Variants in BSDC1 observed in about 807,000 individuals in gnomAD.
BSDC1 encodes BSD domain containing 1, also known as BSD domain-containing protein 1.
In BSDC1, 29 loss-of-function variants were observed where a neutral mutation model predicts 56.0. The observed-to-expected ratio is 0.52, with a 90% CI of 0.39 to 0.71. The LOEUF (loss-of-function observed/expected upper bound fraction) is 0.71. Among genes scored for constraint, BSDC1 ranks in the 30% least tolerant of loss-of-function variants. The pLI is 0.00. For synonymous variants in BSDC1, 210 were observed against 215.3 expected (o/e 0.98, Z 0.21); for missense variants, 477 against 548.5 (o/e 0.87, Z 1.30).
At chr1:32,390,479 G>A (rs1231433235) in intron 2 of BSDC1, among the ~76,000 whole-genome samples, 1 of 152,226 alleles carries the variant, frequency 6.6e-6, no homozygotes, top group Non-Finnish European at 1.5e-5. Context: ...CTGCGTAGAT[G>A]CAGTACTGCC....
At chr1:32,383,454 T>TAAAAAAAAAAA (rs1254003357) in intron 4 of BSDC1, among the ~76,000 whole-genome samples, 12 of 136,400 alleles carry the variant, frequency 8.8e-5, no homozygotes, top group African/African-American at 2.7e-4. Flanking sequence ...CCTGTCTCAT[T>TAAAAAAAAAAA]AAAAAAAAAA....
At position 32,378,768 on chromosome 1, in the gene BSDC1, G is replaced by A. The variant is rs749093242; in HGVS notation, c.484C>T (p.Leu162Phe). 4.5e-6 allele frequency: 7 copies of A among 1,551,588 alleles called. No homozygotes were observed. In the Admixed American group the frequency reaches 7.8e-5, roughly 17 times the overall value. Residue 162 changes from leucine to phenylalanine, a missense_variant, in exon 6 of 11, where the codon CTC becomes TTC. Coordinates refer to ENST00000455895, the MANE Select transcript of BSDC1 (RefSeq NM_018045.8). The surrounding 1 kb of genome is among the most constrained non-coding windows in gnomAD (Gnocchi z 5.2). ...CGGATGGAGGGGCTGCCTACAAGGA[G>A]CTCTGAGATCTCCCCCTTCTTCTCC... ...LEEKKGEISE[L>F]LVGSPSIRAL... is the part of the protein sequence containing the mutation.
intron 2 of BSDC1, chr1:32,393,835 G>T: frequency 3.9e-6 from 2 of 506,888 alleles, no homozygotes. Flanking sequence ...CCTTCCTATG[G>T]ATTCCTACAA....
At chr1:32,388,423 G>T (rs997644479) in intron 2 of BSDC1, among the ~76,000 whole-genome samples, 2 of 152,026 alleles carry the variant, frequency 1.3e-5, no homozygotes, top group Non-Finnish European at 2.9e-5. Flanking sequence ...GTCATTTACC[G>T]ATTCACTCTT....
intron 4 of BSDC1, among the ~76,000 whole-genome samples, chr1:32,382,980 T>TA (rs1332723168): frequency 3.3e-5 from 5 of 152,002 alleles, no homozygotes; most frequent in African/African-American, 1.2e-4. Context: ...CCTATACGTG[T>TA]ATTACTAGAA....
At chr1:32,368,054 C>T (rs1570094590) in intron 10 of BSDC1, 1 of 1,020,040 alleles carries the variant, frequency 9.8e-7, no homozygotes, top group Non-Finnish European at 1.2e-6. Flanking sequence ...TTTTCAAAAA[C>T]AGAAATGGGG....
Position 32,365,286 on chromosome 1 carries a change from A to G in BSDC1, c.*1336T>C, listed in dbSNP as rs904350581. The G allele has an allele frequency of 2.6e-5, 4 of 152,470 alleles. No individual in the cohort carries two copies. Among genetic ancestry groups the G allele is most frequent in the Non-Finnish European group, 5.9e-5 (4 of 68,028 alleles). The allele number at this position is 152,470 out of a possible 1,614,324, so 9.4% of individuals were successfully genotyped here. A position where few individuals can be genotyped will look rare whatever the true frequency, so the allele number is the denominator to read the frequency against. On this transcript the variant is annotated 3_prime_UTR_variant, in exon 11 of 11. Transcript: ENST00000455895. ...CTGGGGAGATGCATTATAATTTAAA[A>G]TATATAATATTGCACAAACAACCAA... is the stretch of plus-strand genomic sequence containing the variant.
intron 5 of BSDC1, 27 bp downstream of exon 5, chr1:32,381,187 C>T (rs745757226): frequency 6.2e-7 from 1 of 1,612,856 alleles, no homozygotes; most frequent in Admixed American, 1.7e-5. Context: ...GCCCTACAAG[C>T]CCACCCGCTC....
chr1:32,383,058 T>G (rs1381786045), intron 4 of BSDC1, among the ~76,000 whole-genome samples: 3 of 152,078 alleles, frequency 2.0e-5, no homozygotes, highest in Non-Finnish European at 2.9e-5. Context: ...TTCCTTATTA[T>G]GCTTGAAAGC....
At chr1:32,389,441 T>A (rs1642789321) in intron 2 of BSDC1, among the ~76,000 whole-genome samples, 1 of 152,216 alleles carries the variant, frequency 6.6e-6, no homozygotes, top group African/African-American at 2.4e-5. Context: ...CTTGTGTGAC[T>A]AAACAGTTGT....
chr1:32,383,315 T>G (rs1642551826), intron 4 of BSDC1, among the ~76,000 whole-genome samples: 1 of 151,948 alleles, frequency 6.6e-6, no homozygotes. Context: ...GGTGTGGTGG[T>G]TCACGCCAGT....
At chr1:32,385,455 G>A (rs567743737) in intron 3 of BSDC1, among the ~76,000 whole-genome samples, 23 of 152,248 alleles carry the variant, frequency 1.5e-4, no homozygotes, top group Non-Finnish European at 2.8e-4. Flanking sequence ...AGCCAGGCAC[G>A]GTGGCTCATG....
intron 2 of BSDC1, among the ~76,000 whole-genome samples, chr1:32,387,741 T>C (rs1201347223): frequency 6.6e-6 from 1 of 152,224 alleles, no homozygotes; most frequent in East Asian, 1.9e-4. Flanking sequence ...GTTATTTGCC[T>C]TCGGGTTTAA....
intron 2 of BSDC1, 119 bp from the exon 3 acceptor site, chr1:32,387,014 C>T: frequency 5.3e-6 from 4 of 753,304 alleles, no homozygotes; most frequent in Middle Eastern, 3.9e-4. Flanking sequence ...AGGGGAGCTT[C>T]GGCTCAGAAA....
chr1:32,368,418 C>T (rs764210771), intron 10 of BSDC1, 29 bp downstream of exon 10: 2 of 1,614,170 alleles, frequency 1.2e-6, no homozygotes, highest in South Asian at 2.2e-5. Flanking sequence ...ATTAGGCTCG[C>T]TTCCCTCTGA....
chr1:32,373,963 A>C lies in BSDC1; in HGVS notation c.1156+2299T>G, dbSNP rs373344084. On this transcript the variant is annotated intron_variant, in intron 9 of 10. Transcript: ENST00000455895. ...ACAACATGTTGATGGTCTCACTTAA[A>C]ACCTACAATCACAACCTCAGTGGGC... Among the ~76,000 whole-genome samples the C allele has an allele frequency of 1.4e-4, 21 of 152,200 alleles. No individual in the cohort carries two copies. The East Asian group carries it at 3.1e-3, about 22-fold the overall frequency.
intron 9 of BSDC1, chr1:32,369,310 G>A (rs1182626804): frequency 7.8e-7 from 1 of 1,289,422 alleles, no homozygotes; most frequent in South Asian, 1.2e-5. Context: ...TCTTCCAGAG[G>A]AAATCAACAG....
rs776504485 is a variant in BSDC1 at position 32,378,057 on chromosome 1, G to C, written c.598-9C>G. On this transcript the variant is annotated splice_polypyrimidine_tract_variant and intron_variant, in intron 7 of 10. Transcript: ENST00000455895. This position sits in a 1 kb window ranked among gnomAD's most constrained non-coding sequence, Gnocchi z 5.2. ...TCCCTCCGGGCCTGCTCCTGAATGT[G>C]GGGGAGCAGAAGGCCACAGGCAGTC... 36 of 1,605,880 alleles carry C rather than the reference G, an allele frequency of 2.2e-5. No individual in the cohort carries two copies. The South Asian group carries it at 3.3e-4, about 15-fold the overall frequency.
chr1:32,378,085 G>C lies in BSDC1; in HGVS notation c.598-37C>G, dbSNP rs377007471. The C allele has an allele frequency of 1.1e-5, 17 of 1,598,210 alleles. No individual in the cohort carries two copies. The highest frequency in any genetic ancestry group is 1.4e-5 in the Non-Finnish European group (16 of 1,170,802). ...GGAGCAGAAGGCCACAGGCAGTCAG[G>C]GCACCCTCTTCCTAGACCCTGGTCC... is the stretch of plus-strand genomic sequence containing the variant. On this transcript the variant is annotated intron_variant, in intron 7 of 10. Transcript: ENST00000455895. The surrounding 1 kb of genome is among the most constrained non-coding windows in gnomAD (Gnocchi z 5.2).
Sources: gnomAD v4.1 joint callset for allele counts (sites outside exome capture counted in the v4.1 genomes callset) on GRCh38, gnomAD v4.1.1 for gene constraint, Gnocchi (gnomAD v3.1) non-coding constraint, MANE v1.5 for transcripts, NCBI Gene and HGNC (gene_info 2026-07-23, HGNC 2026-07-21) for gene names.